The following ITSN2 variants were observed in gnomAD, a reference collection of about 807,000 sequenced individuals.
ITSN2 encodes the protein intersectin-2.
ITSN2 carries 156 observed loss-of-function variants against 243.7 expected under a neutral mutation model. The ratio of observed to expected loss-of-function variants is 0.64; its 90% CI spans 0.56 to 0.73. ITSN2 has a LOEUF of 0.73. Among genes scored for constraint, ITSN2 ranks in the 30% least tolerant of loss-of-function variants. The probability of loss-of-function intolerance (pLI) is 0.00; values close to 1 mark genes in which losing one functional copy is unlikely to be tolerated. For missense variants in ITSN2, 1,801 were observed against 1,996.1 expected, an observed-to-expected ratio of 0.90 and a Z score of 1.86; for synonymous variants, 703 against 699.9, an observed-to-expected ratio of 1.00 and a Z score of -0.07.
intron 30 of ITSN2, chr2:24,220,732 G>C (rs1053675069): frequency 7.4e-7 from 1 of 1,355,434 alleles, no homozygotes; most frequent in Non-Finnish European, 9.4e-7. Flanking sequence ...CTGGGGGAAA[G>C]AGCTCATTAG....
chr2:24,360,548 G>C (rs959662668), upstream of ITSN2: 6 of 152,406 alleles, frequency 3.9e-5, no homozygotes, highest in Non-Finnish European at 8.8e-5. Context: ...CAGGAAGCCG[G>C]GGGGCGGGGA....
chr2:24,315,248 A>G (rs757111170), intron 2 of ITSN2, 24 bp from the exon 3 acceptor site: 2 of 1,337,010 alleles, frequency 1.5e-6, no homozygotes, highest in Admixed American at 3.5e-5. Flanking sequence ...GGAAGAAACT[A>G]TAGTGTATAC....
At position 24,268,241 on chromosome 2, in the gene ITSN2, G is replaced by A. The variant is rs577062985; in HGVS notation, c.2355+2430C>T. On this transcript the variant is annotated intron_variant, in intron 20 of 39. Coordinates refer to ENST00000355123, the MANE Select transcript of ITSN2 (RefSeq NM_006277.3). ...CCTTTTCACTTTCAATGAAACCTCC[G>A]GTAACACCCTCATCCATTAAGTTGA... Among the ~76,000 whole-genome samples the A allele has an allele frequency of 1.6e-4, 24 of 152,200 alleles. No individual in the cohort carries two copies. In the South Asian group the frequency reaches 4.4e-3, roughly 28 times the overall value.
intron 15 of ITSN2, among the ~76,000 whole-genome samples, chr2:24,290,730 C>T (rs1009480986): frequency 3.3e-5 from 5 of 152,136 alleles, no homozygotes; most frequent in African/African-American, 1.2e-4. Context: ...CATCCTTTCC[C>T]CACTGATGTT....
chr2:24,300,590 G>C (rs1030522738), intron 11 of ITSN2, among the ~76,000 whole-genome samples: 2 of 151,944 alleles, frequency 1.3e-5, no homozygotes, highest in African/African-American at 4.8e-5. Context: ...ATAGTGGCAG[G>C]CACCTGTAAT....
chr2:24,221,590 GCTA>G (rs1670454853), intron 29 of ITSN2: 1 of 152,324 alleles, frequency 6.6e-6, no homozygotes, highest in South Asian at 2.1e-4. Flanking sequence ...CTCACTGTGA[GCTA>G]CTGTTAAAAA....
intron 29 of ITSN2, among the ~76,000 whole-genome samples, 163 bp downstream of exon 29, chr2:24,245,966 C>T (rs556566120): frequency 6.6e-6 from 1 of 152,334 alleles, no homozygotes; most frequent in East Asian, 1.9e-4. Context: ...TGTATAACTT[C>T]TGACCTTGTA....
intron 29 of ITSN2, among the ~76,000 whole-genome samples, chr2:24,243,649 T>A (rs1673000261): frequency 6.6e-6 from 1 of 152,098 alleles, no homozygotes; most frequent in Non-Finnish European, 1.5e-5. Flanking sequence ...AAAATTTTTC[T>A]GTAGAGATGA....
At chr2:24,317,340 C>T (rs1407642724) in intron 2 of ITSN2, among the ~76,000 whole-genome samples, 5 of 151,262 alleles carry the variant, frequency 3.3e-5, no homozygotes, top group African/African-American at 4.9e-5. Context: ...GCTGAGATCA[C>T]GCCATAGCAC....
At chr2:24,260,819 T>C (rs1414125172) in intron 22 of ITSN2, among the ~76,000 whole-genome samples, 3 of 148,630 alleles carry the variant, frequency 2.0e-5, no homozygotes, top group Non-Finnish European at 4.4e-5. Context: ...CAGGAGAATC[T>C]CTTCAACCAG....
Position 24,218,000 on chromosome 2 carries a change from C to T in ITSN2, c.3713G>A (p.Arg1238His), listed in dbSNP as rs371495788. Residue 1238 changes from arginine to histidine, a missense_variant, in exon 31 of 40, where the codon CGC (arginine) becomes CAC (histidine). Physicochemically the swap from Arg to His is conservative, Grantham distance 29. Coordinates refer to ENST00000355123, the MANE Select transcript of ITSN2 (RefSeq NM_006277.3). The stretch of plus-strand genomic sequence containing the variant: ...AGTGAGAAAGCCTGACTCTGCCATG[C>T]GTTTCTGAAAAACCTAAAGTCAAAA... ...LQLVVEVFQK[R>H]MAESGFLTEG... is the part of the protein sequence containing the mutation. The T allele has an allele frequency of 2.9e-5, 47 of 1,613,462 alleles. No individual in the cohort carries two copies. Among genetic ancestry groups the T allele is most frequent in the Middle Eastern group, 3.3e-4 (2 of 6,082 alleles).
intron 1 of ITSN2, among the ~76,000 whole-genome samples, chr2:24,328,375 T>C (rs952985322): frequency 6.6e-6 from 1 of 151,932 alleles, no homozygotes; most frequent in Admixed American, 6.6e-5. Flanking sequence ...ACCCTTGGCA[T>C]GAACCAACAT....
At chr2:24,235,652 G>A (rs552792745) in intron 29 of ITSN2, among the ~76,000 whole-genome samples, 3 of 152,184 alleles carry the variant, frequency 2.0e-5, no homozygotes, top group East Asian at 1.9e-4. Flanking sequence ...AAAAAATGAA[G>A]TCTTTTAAAA....
chr2:24,257,183 G>A (rs1262247140), intron 23 of ITSN2, among the ~76,000 whole-genome samples: 6 of 152,022 alleles, frequency 3.9e-5, no homozygotes, highest in Non-Finnish European at 7.4e-5. Flanking sequence ...AGCCAGGCAT[G>A]GTAGCGTGCA....
chr2:24,305,030 G>A (rs1682309125), intron 8 of ITSN2, among the ~76,000 whole-genome samples: 2 of 152,102 alleles, frequency 1.3e-5, no homozygotes, highest in South Asian at 2.1e-4. Flanking sequence ...CTTTTCTTCT[G>A]TGAAACATTC....
chr2:24,249,481 GAAC>G lies in ITSN2; in HGVS notation c.3121-602_3121-600del, dbSNP rs1468321272. 1.3e-5 allele frequency among the ~76,000 whole-genome samples: 2 copies of G among 152,142 alleles called. No homozygotes were observed. The highest frequency in any genetic ancestry group is 2.9e-5 in the Non-Finnish European group (2 of 68,024). On this transcript the variant is annotated intron_variant, in intron 25 of 39. Coordinates refer to ENST00000355123, the MANE Select transcript of ITSN2 (RefSeq NM_006277.3). This position sits in a 1 kb window ranked among gnomAD's most constrained non-coding sequence, Gnocchi z 4.4. ...CCACATTTCCTCTTTATAGGAATTT[GAAC>G]AACAAAAGGGATGGGATTAAAAAGA...
chr2:24,236,362 G>A (rs923963860), intron 29 of ITSN2, among the ~76,000 whole-genome samples: 2 of 151,976 alleles, frequency 1.3e-5, no homozygotes, highest in Non-Finnish European at 1.5e-5. Context: ...TAGGGAAATG[G>A]GGGTGATAGC....
intron 29 of ITSN2, among the ~76,000 whole-genome samples, chr2:24,229,153 G>GA (rs1306908106): frequency 6.6e-6 from 1 of 151,982 alleles, no homozygotes; most frequent in Admixed American, 6.6e-5. Context: ...CCAAAAAAAA[G>GA]AAAAAACTGA....
At chr2:24,212,787 T>C in intron 32 of ITSN2, 39 bp from the exon 33 acceptor site, 6 of 1,484,348 alleles carry the variant, frequency 4.0e-6, no homozygotes, top group Non-Finnish European at 5.7e-6. Context: ...AAATCACAGC[T>C]CCGATCACAG....
Sources: allele counts gnomAD v4.1 joint callset (sites outside exome capture counted in the v4.1 genomes callset), GRCh38; gene constraint gnomAD v4.1.1; non-coding constraint Gnocchi (gnomAD v3.1); transcripts MANE v1.5; gene names NCBI Gene and HGNC (gene_info 2026-07-23, HGNC 2026-07-21).